The following FAM20A variants were observed in gnomAD, a reference collection of about 807,000 sequenced individuals.
FAM20A encodes the protein FAM20A golgi associated secretory pathway pseudokinase, also known as pseudokinase FAM20A.
A neutral mutation model predicts 52.0 loss-of-function variants in FAM20A; 42 were observed. The observed-to-expected ratio is 0.81, with a 90% CI of 0.63 to 1.04. The LOEUF (loss-of-function observed/expected upper bound fraction) is 1.04, where lower values mean the gene tolerates loss of function less well. Among genes scored for constraint, FAM20A ranks in the 50% least tolerant of loss-of-function variants. FAM20A has a pLI of 0.00. For synonymous variants in FAM20A, 304 were observed against 298.9 expected (o/e 1.02, Z -0.18); for missense variants, 742 against 712.7 (o/e 1.04, Z -0.47).
chr17:68,571,044 G>A (rs893533186), intron 1 of FAM20A, among the ~76,000 whole-genome samples: 20 of 152,176 alleles, frequency 1.3e-4, no homozygotes, highest in Non-Finnish European at 2.5e-4. Context: ...GGTTAGGATG[G>A]TTGACCTGCA....
chr17:68,556,138 C>A (rs1225256168), intron 1 of FAM20A, among the ~76,000 whole-genome samples: 1 of 152,160 alleles, frequency 6.6e-6, no homozygotes, highest in Non-Finnish European at 1.5e-5. Context: ...CCCTATCTTA[C>A]ATTTCCCAGT....
At chr17:68,586,549 GAC>G (rs2088169459) in intron 1 of FAM20A, among the ~76,000 whole-genome samples, 1 of 152,216 alleles carries the variant, frequency 6.6e-6, no homozygotes, top group Non-Finnish European at 1.5e-5. Flanking sequence ...AGGAGGAGAA[GAC>G]ACAGACAGAC....
chr17:68,546,944 C>T (rs2086601562), intron 4 of FAM20A, among the ~76,000 whole-genome samples: 1 of 151,752 alleles, frequency 6.6e-6, no homozygotes, highest in Admixed American at 6.6e-5. Flanking sequence ...TCTCCTCGGA[C>T]ATCTCCAGCA....
chr17:68,539,492 T>C (rs2086196658), intron 9 of FAM20A, 96 bp from the exon 10 acceptor site: 5 of 1,166,972 alleles, frequency 4.3e-6, no homozygotes, highest in East Asian at 2.3e-5. Context: ...GAATCAGAGA[T>C]TGGGGTAAAA....
chr17:68,560,622 G>A (rs1004276188), intron 1 of FAM20A, among the ~76,000 whole-genome samples: 7 of 152,124 alleles, frequency 4.6e-5, no homozygotes, highest in African/African-American at 7.2e-5. Flanking sequence ...TTGTTATGCC[G>A]AGCGATGCTG....
At position 68,600,273 on chromosome 17, in the gene FAM20A, G is replaced by A. The variant is rs763798560; in HGVS notation, c.394C>T (p.Arg132Cys). Reference sequence around the variant, plus strand: ...GGGCGGGGTCCTCACCTGTTCCAGCGGGCCACCTTCCTCCGGTAATACCGC... The same window carrying A: ...GGGCGGGGTCCTCACCTGTTCCAGCAGGCCACCTTCCTCCGGTAATACCGC... ...ALRYYRRKVARWNRRHKMYRE... is the reference protein window; with the variant it reads ...ALRYYRRKVACWNRRHKMYRE... Residue 132 changes from arginine to cysteine, a missense_variant, in exon 1 of 11, where the codon CGC (arginine) becomes TGC (cysteine). Physicochemically the swap from Arg to Cys is radical, Grantham distance 180. Coordinates refer to ENST00000592554, the MANE Select transcript of FAM20A (RefSeq NM_017565.4). This position sits in a 1 kb window ranked among gnomAD's most constrained non-coding sequence, Gnocchi z 6.2. The A allele has an allele frequency of 4.5e-5, 71 of 1,566,832 alleles. No homozygotes were observed. Among genetic ancestry groups the A allele is most frequent in the Non-Finnish European group, 5.9e-5 (68 of 1,156,484 alleles).
chr17:68,540,983 G>A (rs370657178), intron 7 of FAM20A, 25 bp from the exon 8 acceptor site: 1 of 1,561,250 alleles, frequency 6.4e-7, no homozygotes, highest in Non-Finnish European at 8.7e-7. Flanking sequence ...AAGTCCTGGG[G>A]CTGGAAAAGC....
intron 9 of FAM20A, 73 bp downstream of exon 9, chr17:68,539,812 C>A: frequency 6.8e-7 from 1 of 1,463,498 alleles, no homozygotes; most frequent in South Asian, 1.2e-5. Context: ...GCGTCTGTTT[C>A]CCCCGAGCAG....
intron 7 of FAM20A, 101 bp from the exon 8 acceptor site, chr17:68,541,059 A>T: frequency 6.5e-7 from 1 of 1,527,400 alleles, no homozygotes; most frequent in Non-Finnish European, 8.8e-7. Flanking sequence ...TGCCTCCCTG[A>T]TCCTGCCCTG....
intron 4 of FAM20A, among the ~76,000 whole-genome samples, chr17:68,547,774 T>G (rs1471987727): frequency 6.6e-6 from 1 of 152,240 alleles, no homozygotes; most frequent in African/African-American, 2.4e-5. Flanking sequence ...TGAGGCTGTT[T>G]TGCTTTCTTA....
intron 1 of FAM20A, among the ~76,000 whole-genome samples, chr17:68,574,085 G>A (rs1191056796): frequency 6.6e-6 from 1 of 151,740 alleles, no homozygotes; most frequent in Non-Finnish European, 1.5e-5. Context: ...TTTTTTTTGA[G>A]ACAGGGTCTC....
chr17:68,550,936 C>G, intron 4 of FAM20A: 1 of 565,348 alleles, frequency 1.8e-6, no homozygotes, highest in Non-Finnish European at 2.6e-6. Flanking sequence ...TTAGAACCAT[C>G]TACTGGGGCT....
At chr17:68,558,280 C>A (rs1407532255) in intron 1 of FAM20A, 1 of 402,508 alleles carries the variant, frequency 2.5e-6, no homozygotes, top group Non-Finnish European at 5.0e-6. Flanking sequence ...TGCAGCCAAC[C>A]AACACCTTGA....
chr17:68,600,871 C>G lies in FAM20A; in HGVS notation c.-205G>C, dbSNP rs574348261. On this transcript the variant is annotated 5_prime_UTR_variant, in exon 1 of 11. Coordinates refer to ENST00000592554, the MANE Select transcript of FAM20A (RefSeq NM_017565.4). The surrounding 1 kb of genome is among the most constrained non-coding windows in gnomAD (Gnocchi z 6.2). Reference sequence around the variant, plus strand: ...GGACCAGGTGCACGGAGCACCGGGGCTCTCGGAGTCAGCGGGCGTCGCTTC... The same window carrying G: ...GGACCAGGTGCACGGAGCACCGGGGGTCTCGGAGTCAGCGGGCGTCGCTTC... 718 of 530,928 alleles carry G rather than the reference C, an allele frequency of 1.4e-3. 9 individuals are homozygous for G. The South Asian group carries it at 0.019, about 14-fold the overall frequency. 32.9% of individuals were successfully genotyped at this position (530,928 alleles called of 1,614,324 possible).
intron 1 of FAM20A, among the ~76,000 whole-genome samples, chr17:68,591,195 C>G (rs183912055): frequency 2.4e-3 from 372 of 152,306 alleles, no homozygotes; most frequent in African/African-American, 7.9e-3. Context: ...CAAGCTCCAC[C>G]TCCTGGGTTC....
chr17:68,553,185 G>C (rs894243334), intron 3 of FAM20A, among the ~76,000 whole-genome samples: 1 of 152,078 alleles, frequency 6.6e-6, no homozygotes, highest in African/African-American at 2.4e-5. Context: ...GGTTTTATAA[G>C]GGGCTCTTCC....
intron 9 of FAM20A, 68 bp from the exon 10 acceptor site, chr17:68,539,464 C>T: frequency 1.4e-6 from 2 of 1,386,916 alleles, no homozygotes; most frequent in South Asian, 1.2e-5. Flanking sequence ...GGCTTCCTCT[C>T]TCCTCTCAGC....
intron 4 of FAM20A, chr17:68,550,987 T>C (rs2086809600): frequency 1.9e-6 from 2 of 1,068,006 alleles, no homozygotes; most frequent in East Asian, 6.5e-5. Flanking sequence ...GTTTGGAATC[T>C]GCCAGTCTAA....
chr17:68,594,482 A>T (rs1406669507), intron 1 of FAM20A, among the ~76,000 whole-genome samples: 2 of 152,022 alleles, frequency 1.3e-5, no homozygotes, highest in Non-Finnish European at 2.9e-5. Context: ...TTAAAACAAC[A>T]CTCATTAATT....
Sources: gnomAD v4.1 joint callset for allele counts (sites outside exome capture counted in the v4.1 genomes callset) on GRCh38, gnomAD v4.1.1 for gene constraint, Gnocchi (gnomAD v3.1) non-coding constraint, MANE v1.5 for transcripts, NCBI Gene and HGNC (gene_info 2026-07-23, HGNC 2026-07-21) for gene names.